PLEKHG1: variants seen among roughly 807,000 people sequenced by gnomAD.
PLEKHG1 encodes the protein pleckstrin homology and RhoGEF domain containing G1.
Under a neutral mutation model 100.8 loss-of-function variants are expected in PLEKHG1, and 44 were observed. That is an observed-to-expected ratio of 0.44 (90% CI 0.34 to 0.56). The LOEUF (loss-of-function observed/expected upper bound fraction) is 0.56. Ranked by LOEUF, PLEKHG1 falls within the 20% of genes least tolerant of loss-of-function variation. PLEKHG1 has a pLI of 0.01. For synonymous variants in PLEKHG1, 640 were observed against 662.5 expected (o/e 0.97, Z 0.52); for missense variants, 1,545 against 1,720.9 (o/e 0.90, Z 1.81).
At chr6:150,701,604 C>A (rs551622435) in intron 3 of PLEKHG1, among the ~76,000 whole-genome samples, 2 of 127,824 alleles carry the variant, frequency 1.6e-5, no homozygotes, top group African/African-American at 5.5e-5. Context: ...TCCCTCCCCC[C>A]TCCCCTCACC....
chr6:150,749,090 C>T (rs1475988830), intron 2 of PLEKHG1, among the ~76,000 whole-genome samples: 2 of 152,202 alleles, frequency 1.3e-5, no homozygotes, highest in East Asian at 3.9e-4. Flanking sequence ...GATAGCTGCT[C>T]ACACCCCAGA....
upstream of PLEKHG1, among the ~76,000 whole-genome samples, chr6:150,718,217 A>G (rs1224348793): frequency 6.6e-6 from 1 of 152,196 alleles, no homozygotes; most frequent in African/African-American, 2.4e-5. Flanking sequence ...GTGTCTTAAG[A>G]TTGTTCATTT....
intron 7 of PLEKHG1, among the ~76,000 whole-genome samples, chr6:150,806,230 T>G (rs1787088114): frequency 1.4e-5 from 2 of 142,706 alleles, no homozygotes; most frequent in South Asian, 4.3e-4. Flanking sequence ...CTGCTTTTTT[T>G]TTTTTTTTTT....
chr6:150,622,424 G>T (rs1364820319), intron 1 of PLEKHG1, among the ~76,000 whole-genome samples: 2 of 152,162 alleles, frequency 1.3e-5, no homozygotes, highest in Non-Finnish European at 2.9e-5. Context: ...CACCCATCCT[G>T]TGCCTGTACC....
intron 3 of PLEKHG1, among the ~76,000 whole-genome samples, chr6:150,673,976 T>C (rs1779657792): frequency 6.6e-6 from 1 of 152,100 alleles, no homozygotes; most frequent in Non-Finnish European, 1.5e-5. Flanking sequence ...ATGAACTGTT[T>C]TTTTCTAAGC....
At chr6:150,625,798 A>G (rs1431948395) in intron 1 of PLEKHG1, 1 of 152,186 alleles carries the variant, frequency 6.6e-6, no homozygotes, top group Non-Finnish European at 1.5e-5. Context: ...CCAGTCTTCA[A>G]TCATCTCTTT....
At chr6:150,801,471 TC>T (rs1175856635) in intron 6 of PLEKHG1, among the ~76,000 whole-genome samples, 1 of 146,648 alleles carries the variant, frequency 6.8e-6, no homozygotes, top group African/African-American at 2.5e-5. Flanking sequence ...AGGGTCTGGC[TC>T]TGTTGCCCAG....
chr6:150,602,601 C>A (rs1776400477), intron 1 of PLEKHG1, among the ~76,000 whole-genome samples: 1 of 152,150 alleles, frequency 6.6e-6, no homozygotes, highest in African/African-American at 2.4e-5. Flanking sequence ...GCCCTTGTCT[C>A]AAGTTATGCC....
rs2128552965 is a variant in PLEKHG1 at position 150,610,782 on chromosome 6, G to GT, written c.-204+10769dup. ...GTCAAGTAACTCCATTGGTTTAAAG[G>GT]TTTTATAGGTCTATAATAAATGTGG... On this transcript the variant is annotated intron_variant, in intron 1 of 3. Transcript: ENST00000367326. Among the ~76,000 whole-genome samples the GT allele has an allele frequency of 1.3e-5, 2 of 152,250 alleles. 1 individual carries two copies. Among genetic ancestry groups the GT allele is most frequent in the South Asian group, 4.1e-4 (2 of 4,820 alleles).
At chr6:150,682,743 C>T (rs1338478334) in intron 3 of PLEKHG1, among the ~76,000 whole-genome samples, 2 of 152,166 alleles carry the variant, frequency 1.3e-5, no homozygotes, top group African/African-American at 4.8e-5. Context: ...TACCAGTGGG[C>T]AGCTCTGTGC....
chr6:150,797,834 CAAAAAAAAAAAAAAAAAAAAAAAA>C lies in PLEKHG1; in HGVS notation c.629+1945_629+1968del, dbSNP rs58218481. 2.5e-4 allele frequency among the ~76,000 whole-genome samples: 6 copies of C among 23,882 alleles called. No individual in the cohort carries two copies. The Admixed American group carries it at 2.8e-3, about 11-fold the overall frequency. 15.7% of individuals were successfully genotyped at this position (23,882 alleles called of 152,430 possible). The stretch of plus-strand genomic sequence containing the variant: ...TTGGCAACAGAGCAAGACTCTGTCT[CAAAAAAAAAAAAAAAAAAAAAAAA>C]AAAAAAAAAAAAGACCCAAGAAGCT... On this transcript the variant is annotated intron_variant, in intron 5 of 15. Coordinates refer to ENST00000358517, the Ensembl canonical transcript of PLEKHG1.
At chr6:150,655,601 G>A (rs9398029) in intron 3 of PLEKHG1, among the ~76,000 whole-genome samples, 2 of 151,660 alleles carry the variant, frequency 1.3e-5, no homozygotes, top group East Asian at 1.9e-4. Context: ...TCAGCTACTC[G>A]GGAGGCTGAG....
intron 4 of PLEKHG1, among the ~76,000 whole-genome samples, chr6:150,794,401 C>T (rs1027590101): frequency 5.9e-5 from 9 of 152,194 alleles, no homozygotes; most frequent in African/African-American, 1.9e-4. Flanking sequence ...CATGGTGGCT[C>T]ATGCCTATAA....
chr6:150,644,172 T>C (rs768947663), intron 2 of PLEKHG1, among the ~76,000 whole-genome samples: 8 of 152,274 alleles, frequency 5.3e-5, no homozygotes, highest in Non-Finnish European at 1.2e-4. Context: ...CCAGTTTCCA[T>C]TGTGAATTCT....
chr6:150,839,072 G>A (rs1434876313), intron 15 of PLEKHG1, among the ~76,000 whole-genome samples: 1 of 152,110 alleles, frequency 6.6e-6, no homozygotes, highest in Non-Finnish European at 1.5e-5. Flanking sequence ...GGGAAGCCAG[G>A]GGTAGCCATT....
At chr6:150,795,959 C>CAGCT (rs1786306172) in intron 5 of PLEKHG1, 57 bp downstream of exon 6, 1 of 1,061,688 alleles carries the variant, frequency 9.4e-7, no homozygotes, top group South Asian at 1.3e-5. Flanking sequence ...TGTTTCAAGT[C>CAGCT]AGCTGGTGCA....
intron 3 of PLEKHG1, among the ~76,000 whole-genome samples, chr6:150,669,485 G>T (rs181101613): frequency 6.6e-6 from 1 of 152,112 alleles, no homozygotes; most frequent in East Asian, 1.9e-4. Context: ...CGTTCTTTGG[G>T]GTTAAATTTT....
intron 3 of PLEKHG1, among the ~76,000 whole-genome samples, chr6:150,658,632 A>G (rs917623727): frequency 6.6e-6 from 1 of 152,098 alleles, no homozygotes; most frequent in African/African-American, 2.4e-5. Context: ...CACCTCTGTG[A>G]TCACATATTC....
At chr6:150,829,361 C>T (rs1366629990) in intron 14 of PLEKHG1, among the ~76,000 whole-genome samples, 2 of 152,204 alleles carry the variant, frequency 1.3e-5, no homozygotes, top group African/African-American at 2.4e-5. Flanking sequence ...GGCCTATAAT[C>T]CTAGCACTTT....
Sources: allele counts gnomAD v4.1 joint callset (sites outside exome capture counted in the v4.1 genomes callset), GRCh38; gene constraint gnomAD v4.1.1; transcripts MANE v1.5; gene names NCBI Gene and HGNC (gene_info 2026-07-23, HGNC 2026-07-21).